The following IGF2BP3 variants were observed in gnomAD, a reference collection of about 807,000 sequenced individuals.
IGF2BP3 encodes insulin-like growth factor 2 mRNA-binding protein 3.
Under a neutral mutation model 73.8 loss-of-function variants are expected in IGF2BP3, and 9 were observed. The ratio of observed to expected loss-of-function variants is 0.12; its 90% confidence interval spans 0.07 to 0.21. The LOEUF (loss-of-function observed/expected upper bound fraction) is 0.21. Among genes scored for constraint, IGF2BP3 ranks in the 10% least tolerant of loss-of-function variants. The probability of loss-of-function intolerance (pLI) is 1.00; values close to 1 mark genes in which losing one functional copy is unlikely to be tolerated. For synonymous variants in IGF2BP3, 258 were observed against 256.7 expected (o/e 1.01, Z -0.05); for missense variants, 542 against 714.0 (o/e 0.76, Z 2.75).
intron 5 of IGF2BP3, among the ~76,000 whole-genome samples, chr7:23,358,928 A>G (rs575024959): frequency 1.4e-4 from 22 of 152,376 alleles, no homozygotes; most frequent in African/African-American, 5.3e-4. Context: ...GTCCCTCTCC[A>G]AATATTCTTA....
intron 3 of IGF2BP3, among the ~76,000 whole-genome samples, chr7:23,373,436 T>C (rs2128512977): frequency 6.6e-6 from 1 of 152,102 alleles, no homozygotes; most frequent in East Asian, 1.9e-4. Flanking sequence ...ATTAGGGAAA[T>C]GTAAATCAAA....
intron 3 of IGF2BP3, chr7:23,396,504 T>A: frequency 5.7e-6 from 1 of 174,188 alleles, no homozygotes; most frequent in South Asian, 1.3e-4. Context: ...GCAATAAACC[T>A]AGTTTTCTGA....
At chr7:23,443,102 A>ATTTTTTT (rs34674050) in intron 2 of IGF2BP3, among the ~76,000 whole-genome samples, 1 of 85,816 alleles carries the variant, frequency 1.2e-5, no homozygotes, top group African/African-American at 5.3e-5. Flanking sequence ...CATTACAGTG[A>ATTTTTTT]TTTTTTTTTT....
At chr7:23,390,331 GGAA>G (rs766853938) in intron 3 of IGF2BP3, among the ~76,000 whole-genome samples, 4 of 151,904 alleles carry the variant, frequency 2.6e-5, no homozygotes, top group Non-Finnish European at 5.9e-5. Flanking sequence ...CCTATAATGG[GGAA>G]GAAGTATATT....
chr7:23,376,642 G>A (rs1054395780), intron 3 of IGF2BP3, among the ~76,000 whole-genome samples: 4 of 151,980 alleles, frequency 2.6e-5, no homozygotes, highest in South Asian at 4.2e-4. Context: ...CGAGGCAGGC[G>A]GATCGCTTGA....
At chr7:23,372,831 A>G (rs750953151) in intron 3 of IGF2BP3, among the ~76,000 whole-genome samples, 1 of 152,156 alleles carries the variant, frequency 6.6e-6, no homozygotes, top group South Asian at 2.1e-4. Flanking sequence ...TGCTTTATCT[A>G]CTTTAACTCA....
chr7:23,391,163 G>A (rs1276463402), intron 3 of IGF2BP3, among the ~76,000 whole-genome samples: 2 of 143,836 alleles, frequency 1.4e-5, no homozygotes, highest in African/African-American at 2.6e-5. Flanking sequence ...GCAGTGGCAC[G>A]ATCTTGGCTC....
intron 2 of IGF2BP3, among the ~76,000 whole-genome samples, chr7:23,446,509 A>G (rs1468136714): frequency 1.3e-5 from 2 of 152,182 alleles, no homozygotes; most frequent in Non-Finnish European, 2.9e-5. Flanking sequence ...GTGAGCCGAG[A>G]TCGCACCACT....
chr7:23,312,599 G>GA, intron 14 of IGF2BP3, 136 bp downstream of exon 14: 1 of 884,190 alleles, frequency 1.1e-6, no homozygotes. Flanking sequence ...AGTAGTCTCT[G>GA]AAATCACCCG....
intron 3 of IGF2BP3, among the ~76,000 whole-genome samples, chr7:23,371,203 C>T (rs925711282): frequency 3.9e-5 from 6 of 151,922 alleles, no homozygotes; most frequent in African/African-American, 1.5e-4. Flanking sequence ...AAGCCAATGT[C>T]AGTCATTGGG....
At chr7:23,418,126 TAG>T (rs1787244444) in intron 3 of IGF2BP3, among the ~76,000 whole-genome samples, 1 of 152,198 alleles carries the variant, frequency 6.6e-6, no homozygotes, top group Admixed American at 6.5e-5. Flanking sequence ...TTTTTTATAT[TAG>T]AGATACATAA....
rs141920031 is a variant in IGF2BP3, at chr7:23,453,677, G to A, written c.236+14805C>T. On this transcript the variant is annotated intron_variant, in intron 2 of 14. Transcript: ENST00000258729. The stretch of plus-strand genomic sequence containing the variant: ...TAGATACTGCCAAATAGTGTGCCAA[G>A]AAGTCTTTGCCAATTTACTCTTTAG... Among the ~76,000 whole-genome samples, 915 of 152,284 alleles carry A rather than the reference G, an allele frequency of 6.0e-3. 13 individuals are homozygous for A. Among genetic ancestry groups the A allele is most frequent in the African/African-American group, 0.021 (874 of 41,562 alleles).
intron 3 of IGF2BP3, among the ~76,000 whole-genome samples, chr7:23,376,211 T>C (rs937144058): frequency 2.7e-4 from 41 of 152,172 alleles, no homozygotes; most frequent in African/African-American, 9.4e-4. Context: ...TCTTAAACTC[T>C]GCTGGGAGGA....
intron 2 of IGF2BP3, among the ~76,000 whole-genome samples, chr7:23,468,211 C>T (rs1788614273): frequency 6.6e-6 from 1 of 152,200 alleles, no homozygotes; most frequent in Non-Finnish European, 1.5e-5. Context: ...TTGACCCGCT[C>T]GGACCGAGGA....
At chr7:23,428,239 A>C (rs1787568289) in intron 2 of IGF2BP3, among the ~76,000 whole-genome samples, 1 of 152,096 alleles carries the variant, frequency 6.6e-6, no homozygotes, top group Admixed American at 6.6e-5. Context: ...TGGGAGGCCA[A>C]GGCAGGCAGA....
intron 3 of IGF2BP3, among the ~76,000 whole-genome samples, chr7:23,391,843 G>A (rs1241771796): frequency 1.3e-5 from 2 of 152,184 alleles, no homozygotes; most frequent in Admixed American, 6.5e-5. Context: ...CTTGAGGCAA[G>A]GAGAAGGAAT....
intron 2 of IGF2BP3, among the ~76,000 whole-genome samples, chr7:23,447,400 GA>G: frequency 6.6e-6 from 1 of 152,056 alleles, no homozygotes; most frequent in South Asian, 2.1e-4. Flanking sequence ...AAGGCAGGTA[GA>G]TCACTTGGGG....
In IGF2BP3 at chr7:23,343,798, C is replaced by T; in HGVS notation, c.997G>A (p.Val333Ile). The T allele has an allele frequency of 6.2e-7, 1 of 1,612,688 alleles. No homozygotes were observed. The change falls in exon 9 of 15, where the codon GTT becomes ATT. Residue 333 changes from valine (V) to isoleucine (I), a missense_variant. Physicochemically the swap from Val to Ile is conservative, Grantham distance 29. Coordinates refer to ENST00000258729, the MANE Select transcript of IGF2BP3 (RefSeq NM_006547.3). ...TCCTCAGCTTTGGCACATGTCTCAA[C>T]ATTGCCTTTAACTGTAATAGTGCGT... ...PERTITVKGN[V>I]ETCAKAEEEI... is the part of the protein sequence containing the mutation.
At chr7:23,317,449 C>A (rs76937977) in intron 12 of IGF2BP3, among the ~76,000 whole-genome samples, 190 bp downstream of exon 12, 2 of 152,248 alleles carry the variant, frequency 1.3e-5, no homozygotes, top group East Asian at 1.9e-4. Context: ...GCAACCAGTA[C>A]AGAACTCTTA....
Sources: gnomAD v4.1 joint callset for allele counts (sites outside exome capture counted in the v4.1 genomes callset) on GRCh38, gnomAD v4.1.1 for gene constraint, MANE v1.5 for transcripts, NCBI Gene and HGNC (gene_info 2026-07-23, HGNC 2026-07-21) for gene names.